Variants in TTC28 observed in about 807,000 individuals in gnomAD.
TTC28 encodes tetratricopeptide repeat protein 28.
A neutral mutation model predicts 198.0 loss-of-function variants in TTC28; 61 were observed. The observed-to-expected ratio is 0.31, with a 90% CI of 0.25 to 0.38. TTC28 has a LOEUF of 0.38. Among genes scored for constraint, TTC28 ranks in the 10% least tolerant of loss-of-function variants. TTC28 has a pLI of 1.00. For synonymous variants in TTC28, 1,171 were observed against 1,297.8 expected (o/e 0.90, Z 2.10); for missense variants, 2,678 against 3,164.0 (o/e 0.85, Z 3.69).
At chr22:28,164,219 C>T (rs935496970) in intron 5 of TTC28, among the ~76,000 whole-genome samples, 1 of 152,202 alleles carries the variant, frequency 6.6e-6, no homozygotes, top group Non-Finnish European at 1.5e-5. Flanking sequence ...CCTCTGGGAG[C>T]AGGGCACAGA....
intron 2 of TTC28, among the ~76,000 whole-genome samples, chr22:28,363,753 A>G (rs1347102050): frequency 2.0e-5 from 3 of 152,218 alleles, no homozygotes; most frequent in African/African-American, 7.2e-5. Context: ...ATGGAGTCAA[A>G]GGAGATCATT....
intron 5 of TTC28, among the ~76,000 whole-genome samples, chr22:28,188,287 G>C (rs1458094895): frequency 6.6e-6 from 1 of 152,132 alleles, no homozygotes; most frequent in Non-Finnish European, 1.5e-5. Flanking sequence ...ACAAAATTTT[G>C]GAAGATGGAA....
In TTC28 at chr22:27,983,140, G is replaced by A. The variant is rs764330777; in HGVS notation, c.6527C>T (p.Ala2176Val). Reference sequence around the variant, plus strand: ...GCCGCTCCTCTGAAGACGCTCCACCGCAATGAGATGACTCTGTGTCTCCTC... The same window carrying A: ...GCCGCTCCTCTGAAGACGCTCCACCACAATGAGATGACTCTGTGTCTCCTC... Reference protein sequence around the residue: ...ILEETQSHLIAVERLQRSGGQ... With the variant: ...ILEETQSHLIVVERLQRSGGQ... The change falls in exon 23 of 23, where the codon GCG (alanine) becomes GTG (valine). Residue 2176 changes from alanine (A) to valine (V), a missense_variant. Around this residue, in one of 8 missense-constraint regions of TTC28, gnomAD observed 622 missense variants for 656.0 expected, o/e 0.95. Transcript: ENST00000397906. The A allele has an allele frequency of 5.8e-6, 9 of 1,551,646 alleles. No homozygotes were observed. Among genetic ancestry groups the A allele is most frequent in the East Asian group, 2.4e-5 (1 of 40,914 alleles).
intron 2 of TTC28, among the ~76,000 whole-genome samples, chr22:28,613,277 T>TA (rs1383086811): frequency 6.6e-6 from 1 of 152,096 alleles, no homozygotes; most frequent in Non-Finnish European, 1.5e-5. Flanking sequence ...AATAGACCAA[T>TA]AACAAGTTCT....
chr22:28,044,608 C>G (rs1186518450), intron 12 of TTC28, among the ~76,000 whole-genome samples: 2 of 152,130 alleles, frequency 1.3e-5, no homozygotes, highest in African/African-American at 4.8e-5. Flanking sequence ...CCCCGCTCCC[C>G]CCAACCCACA....
At chr22:28,515,442 C>T (rs2048767353) in intron 2 of TTC28, among the ~76,000 whole-genome samples, 1 of 152,106 alleles carries the variant, frequency 6.6e-6, no homozygotes, top group South Asian at 2.1e-4. Context: ...CACACGTGGG[C>T]ATATAGGAAA....
At position 28,671,309 on chromosome 22, in the gene TTC28, A is replaced by G. The variant is rs187797148; in HGVS notation, c.102+8313T>C. 1.6e-3 allele frequency among the ~76,000 whole-genome samples: 243 copies of G among 152,188 alleles called. 2 individuals are homozygous for G. Among genetic ancestry groups the G allele is most frequent in the African/African-American group, 5.6e-3 (231 of 41,542 alleles). On this transcript the variant is annotated intron_variant, in intron 1 of 22. Coordinates refer to ENST00000397906, the MANE Select transcript of TTC28 (RefSeq NM_001145418.2). ...AGTAAGTTATTAATATATTCTGAAT[A>G]ATAAGTCCTTTAACAAATATATATT...
intron 2 of TTC28, among the ~76,000 whole-genome samples, chr22:28,545,598 A>C (rs949177693): frequency 6.6e-6 from 1 of 152,066 alleles, no homozygotes; most frequent in African/African-American, 2.4e-5. Context: ...AAAATAAAAA[A>C]ACTAATATAA....
chr22:28,292,115 G>C (rs1487111068), intron 5 of TTC28, among the ~76,000 whole-genome samples: 1 of 151,948 alleles, frequency 6.6e-6, no homozygotes. Context: ...TAATTGTTAT[G>C]TAATTGTTAT....
chr22:28,180,801 C>T (rs575889546), intron 5 of TTC28, among the ~76,000 whole-genome samples: 4 of 152,264 alleles, frequency 2.6e-5, no homozygotes, highest in Non-Finnish European at 5.9e-5. Context: ...AAAGAAGAGG[C>T]TTAAATACCA....
intron 1 of TTC28, among the ~76,000 whole-genome samples, chr22:28,661,051 G>A (rs13055174): frequency 9.9e-5 from 15 of 151,976 alleles, no homozygotes; most frequent in African/African-American, 2.7e-4. Context: ...TTGGGAGGCC[G>A]AGGTGAGCGG....
At chr22:28,675,427 A>G (rs1169446295) in intron 1 of TTC28, among the ~76,000 whole-genome samples, 1 of 152,114 alleles carries the variant, frequency 6.6e-6, no homozygotes. Context: ...CTTCCTCAAA[A>G]TTAAAAACTT....
chr22:28,531,205 T>C (rs1201140675), intron 2 of TTC28, among the ~76,000 whole-genome samples: 1 of 152,048 alleles, frequency 6.6e-6, no homozygotes, highest in Non-Finnish European at 1.5e-5. Flanking sequence ...AATAAAGGAA[T>C]GGAGGAAGAT....
chr22:28,058,154 G>A (rs1453873959), intron 12 of TTC28, among the ~76,000 whole-genome samples: 1 of 151,576 alleles, frequency 6.6e-6, no homozygotes, highest in Non-Finnish European at 1.5e-5. Flanking sequence ...TATGGTATCT[G>A]TCCTAACTAC....
At position 27,982,782 on chromosome 22, in the gene TTC28, G is replaced by A. The variant is rs887946345; in HGVS notation, c.6885C>T (p.Tyr2295=). The A allele has an allele frequency of 1.3e-6, 2 of 1,548,294 alleles. No homozygotes were observed. Among genetic ancestry groups the A allele is most frequent in the African/African-American group, 2.7e-5 (2 of 73,072 alleles). Residue 2295 remains tyrosine, a synonymous_variant, in exon 23 of 23, where the codon TAC becomes TAT. Coordinates refer to ENST00000397906, the MANE Select transcript of TTC28 (RefSeq NM_001145418.2). This position sits in a 1 kb window ranked among gnomAD's most constrained non-coding sequence, Gnocchi z 5.2. ...LFKLKYPSSP[Y]SAHISKSPRN... is the part of the protein sequence containing the mutation. Reference sequence around the variant, plus strand: ...TTGGTGATTTGGAAATGTGAGCGCTGTAAGGAGAGCTGGGGTACTTCAGTT... The same window carrying A: ...TTGGTGATTTGGAAATGTGAGCGCTATAAGGAGAGCTGGGGTACTTCAGTT...
chr22:28,498,668 AAC>A (rs752675257), intron 2 of TTC28, among the ~76,000 whole-genome samples: 17 of 152,284 alleles, frequency 1.1e-4, no homozygotes, highest in Admixed American at 2.6e-4. Context: ...GATCTGAGGG[AAC>A]ATGAGCACTT....
chr22:28,492,271 T>G (rs1201606219), intron 2 of TTC28, among the ~76,000 whole-genome samples: 1 of 151,942 alleles, frequency 6.6e-6, no homozygotes, highest in Non-Finnish European at 1.5e-5. Context: ...TAAAAAAAAT[T>G]AGCTGTCTAA....
intron 5 of TTC28, among the ~76,000 whole-genome samples, chr22:28,244,292 T>C (rs1569218285): frequency 6.6e-6 from 1 of 152,220 alleles, no homozygotes; most frequent in African/African-American, 2.4e-5. Context: ...GAGCAGCCAC[T>C]GCTTTAACAC....
chr22:28,113,687 A>T (rs1277472560), intron 6 of TTC28, among the ~76,000 whole-genome samples: 4 of 152,216 alleles, frequency 2.6e-5, no homozygotes, highest in African/African-American at 9.6e-5. Context: ...CACATGAAAC[A>T]ACGTGGTGTC....
Sources: allele counts gnomAD v4.1 joint callset (sites outside exome capture counted in the v4.1 genomes callset), GRCh38; gene constraint gnomAD v4.1.1; regional missense constraint gnomAD v4.1.1; non-coding constraint Gnocchi (gnomAD v3.1); transcripts MANE v1.5; gene names NCBI Gene and HGNC (gene_info 2026-07-23, HGNC 2026-07-21).